AOX1: variants seen among roughly 807,000 people sequenced by gnomAD.
AOX1 encodes aldehyde oxidase.
In AOX1, 153 loss-of-function variants were observed where a neutral mutation model predicts 169.5. That is an observed-to-expected ratio of 0.90 (90% CI 0.79 to 1.03). AOX1 has a LOEUF of 1.03. Among genes scored for constraint, AOX1 ranks in the 50% least tolerant of loss-of-function variants. The probability of loss-of-function intolerance (pLI) is 0.00; values close to 1 mark genes in which losing one functional copy is unlikely to be tolerated. For synonymous variants in AOX1, 562 were observed against 581.9 expected, an observed-to-expected ratio of 0.97 and a Z score of 0.49; for missense variants, 1,656 against 1,663.9, an observed-to-expected ratio of 1.00 and a Z score of 0.08.
intron 12 of AOX1, among the ~76,000 whole-genome samples, chr2:200,609,991 T>C (rs2034601449): frequency 6.6e-6 from 1 of 152,224 alleles, no homozygotes; most frequent in African/African-American, 2.4e-5. Flanking sequence ...TGTGGGGTTT[T>C]TTTTCGTTAA....
intron 16 of AOX1, among the ~76,000 whole-genome samples, chr2:200,619,133 G>T (rs2034829651): frequency 6.6e-6 from 1 of 152,208 alleles, no homozygotes; most frequent in Non-Finnish European, 1.5e-5. Flanking sequence ...CTTAAAGGAT[G>T]CTATGTTGGA....
At chr2:200,590,577 A>ACAG (rs749762043) in intron 1 of AOX1, among the ~76,000 whole-genome samples, 3 of 152,092 alleles carry the variant, frequency 2.0e-5, no homozygotes, top group Non-Finnish European at 4.4e-5. Flanking sequence ...AACAACAACA[A>ACAG]CAACAACAAC....
At chr2:200,610,047 T>C (rs2034602431) in intron 12 of AOX1, among the ~76,000 whole-genome samples, 2 of 151,490 alleles carry the variant, frequency 1.3e-5, no homozygotes, top group South Asian at 2.1e-4. Flanking sequence ...AAATACTTAC[T>C]CTTCATACCA....
chr2:200,597,527 A>G (rs1460422619), intron 4 of AOX1, 22 bp downstream of exon 4: 3 of 1,558,210 alleles, frequency 1.9e-6, no homozygotes, highest in African/African-American at 1.4e-5. Context: ...CCTCTTCCTT[A>G]TAGGCTTTCT....
At chr2:200,602,569 G>A (rs2034440565) in intron 6 of AOX1, among the ~76,000 whole-genome samples, 1 of 152,114 alleles carries the variant, frequency 6.6e-6, no homozygotes, top group African/African-American at 2.4e-5. Context: ...TTTGACACTG[G>A]CTGTGTGTCA....
In AOX1 at chr2:200,670,729, ATCTGTCCTATCTCT is replaced by A. The variant is rs771837696; in HGVS notation, c.*51_*64del. On this transcript the variant is annotated 3_prime_UTR_variant, in exon 35 of 35. Transcript: ENST00000374700. Reference sequence around the variant, plus strand: ...ACAGAGTGCCTCTTCCCAGATGGCAATCTGTCCTATCTCTGTGCTGGAAGATGCTAGATCTGAAA... The same window carrying A: ...ACAGAGTGCCTCTTCCCAGATGGCAAGTGCTGGAAGATGCTAGATCTGAAA... 1.4e-6 allele frequency: 2 copies of A among 1,409,562 alleles called. No individual in the cohort carries two copies. The highest frequency in any genetic ancestry group is 2.0e-6 in the Non-Finnish European group (2 of 997,042). 87.3% of individuals were successfully genotyped at this position (1,409,562 alleles called of 1,614,324 possible).
chr2:200,669,768 T>C, intron 34 of AOX1, 26 bp downstream of exon 34: 2 of 1,604,028 alleles, frequency 1.2e-6, no homozygotes, highest in Non-Finnish European at 8.5e-7. Flanking sequence ...AGAAAAAAAA[T>C]AGTGATCATA....
At chr2:200,638,594 G>A (rs4619591) in intron 23 of AOX1, among the ~76,000 whole-genome samples, 1 of 152,156 alleles carries the variant, frequency 6.6e-6, no homozygotes, top group South Asian at 2.1e-4. Context: ...CGCCATTAAA[G>A]TAGATCTGAT....
chr2:200,656,731 G>C (rs1347492764), intron 26 of AOX1, 111 bp from the exon 27 acceptor site: 3 of 731,570 alleles, frequency 4.1e-6, no homozygotes, highest in East Asian at 6.5e-5. Flanking sequence ...CTCCACCCTG[G>C]GGGGTGCGGG....
intron 15 of AOX1, 135 bp from the exon 16 acceptor site, chr2:200,615,836 T>C (rs2034743768): frequency 3.2e-6 from 2 of 632,710 alleles, no homozygotes; most frequent in East Asian, 2.8e-5. Context: ...TCTGGGGTTC[T>C]GAATAGGGTG....
intron 18 of AOX1, among the ~76,000 whole-genome samples, chr2:200,622,366 C>T (rs909962678): frequency 1.3e-5 from 2 of 152,224 alleles, no homozygotes; most frequent in African/African-American, 4.8e-5. Flanking sequence ...ATGATTAAAA[C>T]TTTGGCTACA....
At chr2:200,648,415 G>C (rs761900274) in intron 25 of AOX1, among the ~76,000 whole-genome samples, 3 of 152,206 alleles carry the variant, frequency 2.0e-5, no homozygotes, top group Non-Finnish European at 4.4e-5. Context: ...ACTGAGGGTT[G>C]TCTGCACAGA....
intron 30 of AOX1, 93 bp from the exon 31 acceptor site, chr2:200,662,762 T>G: frequency 1.1e-6 from 1 of 923,460 alleles, no homozygotes; most frequent in South Asian, 1.4e-5. Flanking sequence ...GGTATATTCC[T>G]GTGGCTTGCA....
At chr2:200,628,174 A>G (rs553485429) in intron 20 of AOX1, among the ~76,000 whole-genome samples, 3 of 152,030 alleles carry the variant, frequency 2.0e-5, no homozygotes, top group Non-Finnish European at 4.4e-5. Context: ...AGATTCCCCA[A>G]TTATACACAC....
In AOX1 at chr2:200,641,189, G is replaced by C; in HGVS notation, c.2655+5G>C. 3 of 1,590,122 alleles carry C rather than the reference G, an allele frequency of 1.9e-6. No homozygotes were observed. Among genetic ancestry groups the C allele is most frequent in the Non-Finnish European group, 2.6e-6 (3 of 1,158,654 alleles). ...TCCTTGGATGAATCATTATTCGTAA[G>C]TGTTTTAAGGAGCAAGTTCACATTC... On this transcript the variant is annotated splice_donor_5th_base_variant and intron_variant, in intron 24 of 34. Coordinates refer to ENST00000374700, the MANE Select transcript of AOX1 (RefSeq NM_001159.4).
rs142024350 is a variant in AOX1 at position 200,669,373 on chromosome 2, G to C, written c.3799-202G>C. On this transcript the variant is annotated intron_variant, in intron 33 of 34. Coordinates refer to ENST00000374700, the MANE Select transcript of AOX1 (RefSeq NM_001159.4). ...GCAGGAGAATGGCTCAAACCTGGGA[G>C]GCGGAGGTTGCAGTGAGCTGAGATT... 2.1e-3 allele frequency among the ~76,000 whole-genome samples: 317 copies of C among 152,196 alleles called. 1 individual carries two copies. Among genetic ancestry groups the C allele is most frequent in the Middle Eastern group, 0.01 (3 of 294 alleles).
At chr2:200,608,054 C>T (rs1208777131) in intron 10 of AOX1, among the ~76,000 whole-genome samples, 1 of 152,076 alleles carries the variant, frequency 6.6e-6, no homozygotes, top group East Asian at 1.9e-4. Context: ...TTGATAGGTG[C>T]AGCAAACCAC....
chr2:200,597,406 A>T lies in AOX1; in HGVS notation c.210A>T (p.Pro70=), dbSNP rs1177028128. The change falls in exon 4 of 35, where the codon CCA becomes CCT. Residue 70 remains proline, a synonymous_variant. Coordinates refer to ENST00000374700, the MANE Select transcript of AOX1 (RefSeq NM_001159.4). ...CTTTTGCATTCTGAAGGCATCACCC[A>T]GCCAATGCCTGTCTGATTCCCATCT... ...NPITKRIRHH[P]ANACLIPICS... 6.2e-7 allele frequency: 1 copy of T among 1,603,678 alleles called. No homozygotes were observed.
intron 8 of AOX1, among the ~76,000 whole-genome samples, chr2:200,604,429 T>C (rs1480492759): frequency 6.6e-6 from 1 of 152,230 alleles, no homozygotes; most frequent in Non-Finnish European, 1.5e-5. Context: ...ATTCAGCATG[T>C]TACTATATTT....
Sources: gnomAD v4.1 joint callset for allele counts (sites outside exome capture counted in the v4.1 genomes callset) on GRCh38, gnomAD v4.1.1 for gene constraint, MANE v1.5 for transcripts, NCBI Gene and HGNC (gene_info 2026-07-23, HGNC 2026-07-21) for gene names.